The following ANO3 variants were observed in gnomAD, a reference collection of about 807,000 sequenced individuals.
ANO3 encodes the protein anoctamin 3.
In ANO3, 99 loss-of-function variants were observed where a neutral mutation model predicts 144.8. The observed-to-expected ratio is 0.68, with a 90% CI of 0.58 to 0.81. ANO3 has a LOEUF of 0.81. Among genes scored for constraint, ANO3 ranks in the 30% least tolerant of loss-of-function variants. ANO3 has a pLI of 0.00. For synonymous variants in ANO3, 414 were observed against 392.6 expected (o/e 1.05, Z -0.64); for missense variants, 905 against 1,202.2 (o/e 0.75, Z 3.66).
At chr11:26,441,608 G>T (rs72886267) in intron 1 of ANO3, among the ~76,000 whole-genome samples, 4,523 of 152,226 alleles carry the variant, frequency 0.03, 78 homozygotes, top group African/African-American at 0.036. Context: ...TATTCAAAGA[G>T]TATCCAAATA....
At chr11:26,316,230 C>T (rs1854622699) in intron 1 of ANO3, among the ~76,000 whole-genome samples, 1 of 152,102 alleles carries the variant, frequency 6.6e-6, no homozygotes, top group South Asian at 2.1e-4. Flanking sequence ...AAAGCTGGGT[C>T]CAGGGGTGTC....
At chr11:26,583,747 A>G (rs960977918) in intron 14 of ANO3, among the ~76,000 whole-genome samples, 1 of 152,230 alleles carries the variant, frequency 6.6e-6, no homozygotes, top group East Asian at 1.9e-4. Context: ...GCATTGGGAA[A>G]GCACATTATG....
At chr11:26,552,758 A>C (rs1849967753) in intron 12 of ANO3, among the ~76,000 whole-genome samples, 1 of 152,098 alleles carries the variant, frequency 6.6e-6, no homozygotes, top group Non-Finnish European at 1.5e-5. Flanking sequence ...CCAACAAGCA[A>C]ACATAAAAAA....
At chr11:26,539,748 A>C (rs911849048) in intron 10 of ANO3, among the ~76,000 whole-genome samples, 2 of 152,168 alleles carry the variant, frequency 1.3e-5, no homozygotes, top group Non-Finnish European at 2.9e-5. Context: ...CAATATATCA[A>C]ATGCGTAAAA....
chr11:26,442,214 T>C lies in ANO3; in HGVS notation c.241+102T>C, dbSNP rs545916143. 3.2e-5 allele frequency: 37 copies of C among 1,157,834 alleles called. No individual in the cohort carries two copies. The African/African-American group carries it at 5.5e-4, about 17-fold the overall frequency. 71.7% of individuals were successfully genotyped at this position (1,157,834 alleles called of 1,614,324 possible). On this transcript the variant is annotated intron_variant, in intron 2 of 26. Transcript: ENST00000256737. ...CCATTGGACCAGTTTTATAGAGCTC[T>C]TCAGGAAGGAGGCTGGCATAGAAAG... is the stretch of plus-strand genomic sequence containing the variant.
chr11:26,331,174 G>C (rs1043084430), upstream of ANO3, among the ~76,000 whole-genome samples: 1 of 152,102 alleles, frequency 6.6e-6, no homozygotes, highest in Non-Finnish European at 1.5e-5. Context: ...CACACACTGG[G>C]GCCTGTTGGA....
chr11:26,251,696 G>T (rs1852931824), intron 1 of ANO3, among the ~76,000 whole-genome samples: 2 of 152,200 alleles, frequency 1.3e-5, no homozygotes, highest in Admixed American at 1.3e-4. Context: ...TGCATGGCTG[G>T]GGAGGCCTCA....
At chr11:26,309,155 T>C (rs1170271610), upstream of ANO3, among the ~76,000 whole-genome samples, 4 of 152,174 alleles carry the variant, frequency 2.6e-5, no homozygotes, top group African/African-American at 4.8e-5. Flanking sequence ...GAGTAGACTT[T>C]CCATTGACTT....
intron 1 of ANO3, among the ~76,000 whole-genome samples, chr11:26,304,370 T>C (rs1854315203): frequency 1.3e-5 from 2 of 152,030 alleles, no homozygotes; most frequent in Admixed American, 1.3e-4. Context: ...TAGTGAGGAG[T>C]ACTAATTGCC....
chr11:26,641,753 A>G, intron 21 of ANO3, 143 bp from the exon 22 acceptor site: 1 of 926,154 alleles, frequency 1.1e-6, no homozygotes, highest in Non-Finnish European at 1.5e-6. Context: ...AACTTTTTTA[A>G]AAAACTTTTA....
In ANO3 at chr11:26,318,858, T is replaced by C. The variant is rs562272026; in HGVS notation, c.-3+9139T>C. ...TGGATAAATTATGTTGGGCTAAATA[T>C]ATAAGAATTTGTTTTAATGTTTAGT... On this transcript the variant is annotated intron_variant, in intron 1 of 26. Coordinates refer to the ANO3 transcript ENST00000525139. Among the ~76,000 whole-genome samples the C allele has an allele frequency of 9.2e-5, 14 of 152,356 alleles. 1 individual carries two copies. The South Asian group carries it at 2.9e-3, about 32-fold the overall frequency.
chr11:26,633,107 G>A (rs964090397), intron 18 of ANO3, among the ~76,000 whole-genome samples: 4 of 152,212 alleles, frequency 2.6e-5, no homozygotes, highest in African/African-American at 9.6e-5. Flanking sequence ...ATGTGTTGGT[G>A]TATGTTTTCC....
chr11:26,335,673 A>G (rs1855173992), intron 1 of ANO3, among the ~76,000 whole-genome samples: 2 of 152,176 alleles, frequency 1.3e-5, no homozygotes, highest in East Asian at 3.9e-4. Context: ...TGCTGCGTGT[A>G]TGCCAGGGAC....
intron 1 of ANO3, among the ~76,000 whole-genome samples, chr11:26,343,952 C>T (rs1855430761): frequency 6.6e-6 from 1 of 152,180 alleles, no homozygotes; most frequent in Admixed American, 6.5e-5. Flanking sequence ...CCTACAAAAG[C>T]TCAATTAAGT....
chr11:26,564,228 T>C (rs1396844847), intron 14 of ANO3, among the ~76,000 whole-genome samples: 3 of 151,774 alleles, frequency 2.0e-5, no homozygotes, highest in East Asian at 3.9e-4. Flanking sequence ...TGACAAGATA[T>C]GTTAAAATCA....
intron 5 of ANO3, among the ~76,000 whole-genome samples, chr11:26,515,971 C>T (rs190525783): frequency 6.3e-4 from 95 of 151,874 alleles, no homozygotes; most frequent in African/African-American, 2.1e-3. Context: ...AAAGCAGGGT[C>T]GAATATGAAC....
chr11:26,593,817 T>G (rs759390581), intron 14 of ANO3, among the ~76,000 whole-genome samples: 1 of 152,154 alleles, frequency 6.6e-6, no homozygotes, highest in African/African-American at 2.4e-5. Context: ...GCCTCCAAAG[T>G]CCGCTTGCCG....
At chr11:26,543,445 C>G (rs906045694) in intron 11 of ANO3, among the ~76,000 whole-genome samples, 2 of 135,356 alleles carry the variant, frequency 1.5e-5, no homozygotes, top group African/African-American at 5.4e-5. Flanking sequence ...CATCCACCAC[C>G]AAACGCTTTT....
At chr11:26,634,946 A>T (rs1852903161) in intron 19 of ANO3, 67 bp from the exon 20 acceptor site, 22 of 1,320,510 alleles carry the variant, frequency 1.7e-5, no homozygotes, top group Non-Finnish European at 2.3e-5. Context: ...ACTCGTTGTG[A>T]TGCCTAAGTA....
Sources: gnomAD v4.1 joint callset for allele counts (sites outside exome capture counted in the v4.1 genomes callset) on GRCh38, gnomAD v4.1.1 for gene constraint, MANE v1.5 for transcripts, NCBI Gene and HGNC (gene_info 2026-07-23, HGNC 2026-07-21) for gene names.